Variants in ZBTB44 observed in about 807,000 individuals in gnomAD.
ZBTB44 encodes the protein zinc finger and BTB domain containing 44, also known as zinc finger and BTB domain-containing protein 44.
A neutral mutation model predicts 54.0 loss-of-function variants in ZBTB44; 15 were observed. That is an observed-to-expected ratio of 0.28 (90% confidence interval 0.19 to 0.43). The LOEUF (loss-of-function observed/expected upper bound fraction) is 0.43. Among genes scored for constraint, ZBTB44 ranks in the 20% least tolerant of loss-of-function variants. The probability of loss-of-function intolerance (pLI) is 1.00; values close to 1 mark genes in which losing one functional copy is unlikely to be tolerated. For synonymous variants in ZBTB44, 230 were observed against 250.1 expected, an observed-to-expected ratio of 0.92 and a Z score of 0.76; for missense variants, 487 against 707.1, an observed-to-expected ratio of 0.69 and a Z score of 3.53.
chr11:130,234,128 T>G (rs1412059182), intron 6 of ZBTB44, 28 bp downstream of exon 6: 2 of 1,544,038 alleles, frequency 1.3e-6, no homozygotes, highest in African/African-American at 1.4e-5. Flanking sequence ...AAGGGAAAAG[T>G]GCTTTCACAA....
At position 130,228,188 on chromosome 11, in the gene ZBTB44, A is replaced by G. The variant is rs560546679; in HGVS notation, c.*3576T>C. 6.6e-6 allele frequency: 1 copy of G among 152,200 alleles called. No individual in the cohort carries two copies. The highest frequency in any genetic ancestry group is 1.5e-5 in the Non-Finnish European group (1 of 68,032). The allele number at this position is 152,200 out of a possible 1,614,324, so 9.4% of individuals were successfully genotyped here. A position where few individuals can be genotyped will look rare whatever the true frequency, so the allele number is the denominator to read the frequency against. ...AAACAACAGAAACATTAAATACATTATTGGGAACTTGGACCAAAACCAAAT... is the reference window on the plus strand; with the variant it reads ...AAACAACAGAAACATTAAATACATTGTTGGGAACTTGGACCAAAACCAAAT... On this transcript the variant is annotated 3_prime_UTR_variant, in exon 8 of 8. Transcript: ENST00000357899.
At position 130,314,501 on chromosome 11, in the gene ZBTB44, C is replaced by G. The variant is rs543728988; in HGVS notation, c.-183G>C. 1 of 153,402 alleles carries G rather than the reference C, an allele frequency of 6.5e-6. No homozygotes were observed. The highest frequency in any genetic ancestry group is 1.8e-4 in the South Asian group (1 of 5,626). 9.5% of individuals were successfully genotyped at this position (153,402 alleles called of 1,614,324 possible). On this transcript the variant is annotated 5_prime_UTR_variant, in exon 1 of 8. Coordinates refer to ENST00000357899, the MANE Select transcript of ZBTB44 (RefSeq NM_001301098.2). ...GCGGAGCGCGGCTCGCTGCCTCTCT[C>G]CTCCCCCGGGAGGCTCAGGGGCCCC... is the stretch of plus-strand genomic sequence containing the variant.
chr11:130,276,899 C>T (rs1038452442), intron 1 of ZBTB44, among the ~76,000 whole-genome samples: 3 of 152,094 alleles, frequency 2.0e-5, no homozygotes, highest in Non-Finnish European at 2.9e-5. Context: ...CCTTATAAAA[C>T]GTCTCTAGTA....
intron 5 of ZBTB44, chr11:130,236,146 G>A: frequency 1.6e-6 from 2 of 1,287,856 alleles, no homozygotes; most frequent in South Asian, 2.5e-5. Context: ...TTTTTCATGT[G>A]TAAAGTGACA....
At chr11:130,244,620 T>C (rs914958877) in intron 2 of ZBTB44, among the ~76,000 whole-genome samples, 13 of 145,640 alleles carry the variant, frequency 8.9e-5, no homozygotes, top group Non-Finnish European at 1.8e-4. Flanking sequence ...TGAGCCAAGA[T>C]TGCGCCACTG....
chr11:130,312,217 C>A (rs1942650298), intron 1 of ZBTB44, among the ~76,000 whole-genome samples: 1 of 152,146 alleles, frequency 6.6e-6, no homozygotes, highest in Admixed American at 6.5e-5. Flanking sequence ...GTGCTAAAAA[C>A]CACTAAGCAA....
Position 130,298,309 on chromosome 11 carries a change from A to AT in ZBTB44, c.-57+16065dup, listed in dbSNP as rs1941780665. ...AGGCATGCACCACCTCACCCAGATG[A>AT]TTTTTGTATTTTCTTGTAGAGACAG... On this transcript the variant is annotated intron_variant, in intron 1 of 7. Transcript: ENST00000357899. 2.0e-5 allele frequency among the ~76,000 whole-genome samples: 3 copies of AT among 151,776 alleles called. No individual in the cohort carries two copies. The South Asian group carries it at 6.2e-4, about 32-fold the overall frequency.
At chr11:130,278,744 T>A (rs1940291808) in intron 1 of ZBTB44, among the ~76,000 whole-genome samples, 1 of 152,224 alleles carries the variant, frequency 6.6e-6, no homozygotes, top group Non-Finnish European at 1.5e-5. Context: ...AATTATTTTT[T>A]TCAATTCCAG....
chr11:130,309,079 G>C (rs928487621), intron 1 of ZBTB44, among the ~76,000 whole-genome samples: 3 of 152,176 alleles, frequency 2.0e-5, no homozygotes, highest in South Asian at 2.1e-4. Context: ...CTGCAACCTT[G>C]GCCTTATCAG....
chr11:130,308,540 A>C (rs906853953), intron 1 of ZBTB44, among the ~76,000 whole-genome samples: 2 of 152,202 alleles, frequency 1.3e-5, no homozygotes, highest in African/African-American at 4.8e-5. Flanking sequence ...TCAAAGTGTT[A>C]ATGTGAGATT....
chr11:130,271,033 A>G (rs1320225063), intron 1 of ZBTB44, among the ~76,000 whole-genome samples: 1 of 151,930 alleles, frequency 6.6e-6, no homozygotes, highest in Admixed American at 6.6e-5. Context: ...AGATAGAGCA[A>G]AAGGCCTTGG....
Position 130,261,806 on chromosome 11 carries a change from A to T in ZBTB44, c.68T>A (p.Met23Lys). 1 of 1,614,038 alleles carries T rather than the reference A, an allele frequency of 6.2e-7. No individual in the cohort carries two copies. The highest frequency in any genetic ancestry group is 8.5e-7 in the Non-Finnish European group (1 of 1,179,876). Residue 23 changes from methionine (M) to lysine (K), a missense_variant, in exon 2 of 8, where the codon ATG becomes AAG. Transcript: ENST00000357899. This position sits in a 1 kb window ranked among gnomAD's most constrained non-coding sequence, Gnocchi z 4.8. Reference protein sequence around the residue: ...HSQEMLGKLNMLRNDGHFCDI... With the variant: ...HSQEMLGKLNKLRNDGHFCDI... ...ACAAAAATGTCCATCATTTCGCAGC[A>T]TATTTAGCTTTCCAAGCATTTCCTG...
At chr11:130,299,353 G>C (rs954082684) in intron 1 of ZBTB44, among the ~76,000 whole-genome samples, 5 of 151,992 alleles carry the variant, frequency 3.3e-5, no homozygotes, top group Non-Finnish European at 7.4e-5. Flanking sequence ...CCCATGGGCT[G>C]GTCAAATAAG....
intron 1 of ZBTB44, among the ~76,000 whole-genome samples, chr11:130,308,878 G>T (rs935788888): frequency 6.6e-6 from 1 of 152,184 alleles, no homozygotes; most frequent in Non-Finnish European, 1.5e-5. Context: ...AGTGATTGTG[G>T]AGTCCTAGTA....
At chr11:130,235,528 G>A (rs767651810) in intron 5 of ZBTB44, among the ~76,000 whole-genome samples, 1 of 152,102 alleles carries the variant, frequency 6.6e-6, no homozygotes, top group Non-Finnish European at 1.5e-5. Context: ...TTAAGTCAGG[G>A]GTGGTGCCCA....
intron 2 of ZBTB44, among the ~76,000 whole-genome samples, chr11:130,241,142 A>C (rs904309176): frequency 6.6e-6 from 1 of 152,238 alleles, no homozygotes; most frequent in Non-Finnish European, 1.5e-5. Flanking sequence ...TTGGCTATTA[A>C]GAACAATGCT....
At chr11:130,263,114 G>GTGA (rs1938998243) in intron 1 of ZBTB44, among the ~76,000 whole-genome samples, 2 of 152,208 alleles carry the variant, frequency 1.3e-5, no homozygotes, top group African/African-American at 4.8e-5. Flanking sequence ...TGATCAATTT[G>GTGA]AGACTGTTCC....
rs191575648 is a variant in ZBTB44, at chr11:130,245,729, G to A, written c.1019-5833C>T. On this transcript the variant is annotated intron_variant, in intron 2 of 7. Coordinates refer to ENST00000357899, the MANE Select transcript of ZBTB44 (RefSeq NM_001301098.2). ...TTCTCACTATCAGGTTGTGAGAAGG[G>A]TAGGCCAAGAAGACTGGCATCTGCT... 6.4e-3 allele frequency among the ~76,000 whole-genome samples: 926 copies of A among 143,846 alleles called. 2 individuals carry two copies. Among genetic ancestry groups the A allele is most frequent in the Middle Eastern group, 0.021 (6 of 284 alleles). 94.4% of individuals were successfully genotyped at this position (143,846 alleles called of 152,430 possible).
chr11:130,250,353 G>A (rs1258935448), intron 2 of ZBTB44, among the ~76,000 whole-genome samples: 4 of 152,188 alleles, frequency 2.6e-5, no homozygotes, highest in African/African-American at 4.8e-5. Context: ...GGACTTAAAC[G>A]TCCCTGCCTG....
Sources: gnomAD v4.1 joint callset for allele counts (sites outside exome capture counted in the v4.1 genomes callset) on GRCh38, gnomAD v4.1.1 for gene constraint, Gnocchi (gnomAD v3.1) non-coding constraint, MANE v1.5 for transcripts, NCBI Gene and HGNC (gene_info 2026-07-23, HGNC 2026-07-21) for gene names.